Variants in FBXO8 observed in about 807,000 individuals in gnomAD.
FBXO8 encodes F-box only protein 8.
A neutral mutation model predicts 33.4 loss-of-function variants in FBXO8; 15 were observed. The ratio of observed to expected loss-of-function variants is 0.45; its 90% CI spans 0.30 to 0.69. The LOEUF is 0.69. Among genes scored for constraint, FBXO8 ranks in the 30% least tolerant of loss-of-function variants. The pLI, the probability that FBXO8 is intolerant of heterozygous loss-of-function variation, is 0.08. For synonymous variants in FBXO8, 132 were observed against 131.5 expected, an observed-to-expected ratio of 1.00 and a Z score of -0.02; for missense variants, 274 against 380.3, an observed-to-expected ratio of 0.72 and a Z score of 2.32.
intron 5 of FBXO8, among the ~76,000 whole-genome samples, chr4:174,238,150 G>A (rs1579015026): frequency 6.6e-6 from 1 of 151,922 alleles, no homozygotes; most frequent in East Asian, 1.9e-4. Context: ...TCTCATTTAA[G>A]ATGTTATAAA....
intron 1 of FBXO8, among the ~76,000 whole-genome samples, chr4:174,268,637 C>A (rs567171971): frequency 1.3e-5 from 2 of 152,022 alleles, no homozygotes; most frequent in African/African-American, 4.8e-5. Context: ...GGGGTTTCAC[C>A]GTGTTAGCCA....
chr4:174,239,139 G>A lies in FBXO8; in HGVS notation c.627C>T (p.Phe209=), dbSNP rs779493548. 6.3e-7 allele frequency: 1 copy of A among 1,594,110 alleles called. No homozygotes were observed. ...LVTLHNFRNQ[F]LPNALREFFR... ...AAAATTCTCTCAGTGCATTTGGCAA[G>A]AACTGATTTCTAAAATTATGCAATG... Residue 209 remains phenylalanine, a synonymous_variant, in exon 5 of 6, where the codon TTC becomes TTT. Coordinates refer to ENST00000393674, the MANE Select transcript of FBXO8 (RefSeq NM_012180.3).
chr4:174,272,729 G>T lies in FBXO8; in HGVS notation c.-8-9629C>A, dbSNP rs1369732727. Among the ~76,000 whole-genome samples the T allele has an allele frequency of 3.9e-5, 6 of 152,150 alleles. No homozygotes were observed. Among genetic ancestry groups the T allele is most frequent in the Non-Finnish European group, 8.8e-5 (6 of 68,010 alleles). ...GTTGTTGAATCTGGAGTTTGACAAA[G>T]AATGGAATACTTACAGAATCCCAAA... On this transcript the variant is annotated intron_variant, in intron 1 of 5. Coordinates refer to ENST00000393674, the MANE Select transcript of FBXO8 (RefSeq NM_012180.3). The surrounding 1 kb of genome is among the most constrained non-coding windows in gnomAD (Gnocchi z 4.7).
At chr4:174,249,947 A>G (rs963264816) in intron 3 of FBXO8, among the ~76,000 whole-genome samples, 5 of 152,012 alleles carry the variant, frequency 3.3e-5, no homozygotes, top group Non-Finnish European at 4.4e-5. Flanking sequence ...GGTGTCATAT[A>G]GTTATCTACT....
Position 174,255,543 on chromosome 4 carries a change from G to A in FBXO8, c.456+4156C>T, listed in dbSNP as rs895284787. ...GTAAAATGTATAAAATTATACACAT[G>A]TGGATATTTCTGCATAAATACCAGA... On this transcript the variant is annotated intron_variant, in intron 3 of 5. Coordinates refer to ENST00000393674, the MANE Select transcript of FBXO8 (RefSeq NM_012180.3). The surrounding 1 kb of genome is among the most constrained non-coding windows in gnomAD (Gnocchi z 4.3). Among the ~76,000 whole-genome samples, 1 of 151,464 alleles carries A rather than the reference G, an allele frequency of 6.6e-6. No homozygotes were observed. The highest frequency in any genetic ancestry group is 1.5e-5 in the Non-Finnish European group (1 of 67,888).
rs1736078464 is a variant in FBXO8 at position 174,243,120 on chromosome 4, T to C, written c.457-1902A>G. On this transcript the variant is annotated intron_variant, in intron 3 of 5. Transcript: ENST00000393674. ...GGTGATAGTTATAAATTAACACTGG[T>C]ATTTGCCTCATGTAAACATCATAAA... Among the ~76,000 whole-genome samples the C allele has an allele frequency of 2.6e-5, 4 of 151,698 alleles. No individual in the cohort carries two copies. The South Asian group carries it at 8.3e-4, about 31-fold the overall frequency.
rs933621040 is a variant in FBXO8 at position 174,262,712 on chromosome 4, G to A, written c.329+52C>T. The A allele has an allele frequency of 6.9e-7, 1 of 1,455,062 alleles. No individual in the cohort carries two copies. Among genetic ancestry groups the A allele is most frequent in the African/African-American group, 1.4e-5 (1 of 71,234 alleles). The allele number at this position is 1,455,062 out of a possible 1,614,324, so 90.1% of individuals were successfully genotyped here. On this transcript the variant is annotated intron_variant, in intron 2 of 5. Coordinates refer to ENST00000393674, the MANE Select transcript of FBXO8 (RefSeq NM_012180.3). This position sits in a 1 kb window ranked among gnomAD's most constrained non-coding sequence, Gnocchi z 4.6. ...TATACATTATAAAAAGAACATTGAA[G>A]CATGATTATGTTTAGAGATACCTGA...
chr4:174,237,703 T>C lies in FBXO8; in HGVS notation c.773-104A>G. The C allele has an allele frequency of 2.0e-6, 2 of 991,912 alleles. No individual in the cohort carries two copies. The highest frequency in any genetic ancestry group is 1.8e-5 in the South Asian group (1 of 57,054). 61.4% of individuals were successfully genotyped at this position (991,912 alleles called of 1,614,324 possible). A position where few individuals can be genotyped will look rare whatever the true frequency, so the allele number is the denominator to read the frequency against. ...TGTTCATAATTTCAAGATATCAAGA[T>C]TAGCTCATAAATACAGAGTGACCAA... On this transcript the variant is annotated intron_variant, in intron 5 of 5. Coordinates refer to ENST00000393674, the MANE Select transcript of FBXO8 (RefSeq NM_012180.3). This position sits in a 1 kb window ranked among gnomAD's most constrained non-coding sequence, Gnocchi z 4.4.
rs1044990565 is a variant in FBXO8 at position 174,257,266 on chromosome 4, A to G, written c.456+2433T>C. ...CATATGAGGACCCATGTGTATTTTC[A>G]TCTTTGTGTAAAAATGATTGCTTTA... On this transcript the variant is annotated intron_variant, in intron 3 of 5. Coordinates refer to ENST00000393674, the MANE Select transcript of FBXO8 (RefSeq NM_012180.3). This position sits in a 1 kb window ranked among gnomAD's most constrained non-coding sequence, Gnocchi z 4.3. Among the ~76,000 whole-genome samples the G allele has an allele frequency of 1.1e-4, 17 of 152,250 alleles. No homozygotes were observed. The highest frequency in any genetic ancestry group is 4.1e-4 in the African/African-American group (17 of 41,568).
In FBXO8 at chr4:174,237,724, ACCAAT is replaced by A; in HGVS notation, c.773-130_773-126del. On this transcript the variant is annotated intron_variant, in intron 5 of 5. Transcript: ENST00000393674. The surrounding 1 kb of genome is among the most constrained non-coding windows in gnomAD (Gnocchi z 4.4). ...AAGATTAGCTCATAAATACAGAGTG[ACCAAT>A]CCATCCCAGTTTGTCTAGACTCTTC... 3 of 747,452 alleles carry A rather than the reference ACCAAT, an allele frequency of 4.0e-6. No individual in the cohort carries two copies. The highest frequency in any genetic ancestry group is 6.2e-6 in the Non-Finnish European group (3 of 481,696). The allele number at this position is 747,452 out of a possible 1,614,324, so 46.3% of individuals were successfully genotyped here. A position where few individuals can be genotyped will look rare whatever the true frequency, so the allele number is the denominator to read the frequency against.
chr4:174,271,604 A>C (rs1251663351), intron 1 of FBXO8, among the ~76,000 whole-genome samples: 1 of 152,106 alleles, frequency 6.6e-6, no homozygotes, highest in African/African-American at 2.4e-5. Flanking sequence ...CATTTTTGCT[A>C]AAGAAATTGA....
Position 174,262,105 on chromosome 4 carries a change from T to C in FBXO8, c.329+659A>G, listed in dbSNP as rs1052156031. On this transcript the variant is annotated intron_variant, in intron 2 of 5. Coordinates refer to ENST00000393674, the MANE Select transcript of FBXO8 (RefSeq NM_012180.3). This position sits in a 1 kb window ranked among gnomAD's most constrained non-coding sequence, Gnocchi z 4.6. ...GCAAATGTTCTTAGATTTGTGGTTT[T>C]AATTCAGACTAGTACAATGTGGAAA... 1.3e-5 allele frequency among the ~76,000 whole-genome samples: 2 copies of C among 152,164 alleles called. No individual in the cohort carries two copies. Among genetic ancestry groups the C allele is most frequent in the African/African-American group, 4.8e-5 (2 of 41,434 alleles).
rs1736294986 is a variant in FBXO8, at chr4:174,251,943, G to T, written c.456+7756C>A. Among the ~76,000 whole-genome samples the T allele has an allele frequency of 1.3e-5, 2 of 152,020 alleles. No individual in the cohort carries two copies. Among genetic ancestry groups the T allele is most frequent in the Admixed American group, 1.3e-4 (2 of 15,256 alleles). ...GATTAAATTCCCTTCAGCAAATTTG[G>T]AGATAAATTGATCTGCTACTGAGAA... On this transcript the variant is annotated intron_variant, in intron 3 of 5. Transcript: ENST00000393674. This position sits in a 1 kb window ranked among gnomAD's most constrained non-coding sequence, Gnocchi z 4.2.
intron 3 of FBXO8, among the ~76,000 whole-genome samples, chr4:174,258,005 G>T (rs62335797): frequency 6.6e-6 from 1 of 152,136 alleles, no homozygotes; most frequent in Admixed American, 6.5e-5. Flanking sequence ...TGGGATTACA[G>T]ACATGAGCCA....
At position 174,236,815 on chromosome 4, in the gene FBXO8, T is replaced by A. The variant is rs2126409063; in HGVS notation, c.*597A>T. 6.6e-6 allele frequency: 1 copy of A among 152,180 alleles called. No individual in the cohort carries two copies. Among genetic ancestry groups the A allele is most frequent in the African/African-American group, 2.4e-5 (1 of 41,560 alleles). The allele number at this position is 152,180 out of a possible 1,614,324, so 9.4% of individuals were successfully genotyped here. Reference sequence around the variant, plus strand: ...AAATTATAAATTTATATTATAAAAATAACTGCCAGTTTTGCATAGTAATAT... The same window carrying A: ...AAATTATAAATTTATATTATAAAAAAAACTGCCAGTTTTGCATAGTAATAT... On this transcript the variant is annotated 3_prime_UTR_variant, in exon 6 of 6. Transcript: ENST00000393674.
rs939680326 is a variant in FBXO8, at chr4:174,238,598, T to C, written c.772+396A>G. 4.6e-5 allele frequency among the ~76,000 whole-genome samples: 7 copies of C among 151,246 alleles called. 1 individual carries two copies. Among genetic ancestry groups the C allele is most frequent in the East Asian group, 3.9e-4 (2 of 5,164 alleles). ...CTTTATATATATACAAATGTCTATATGTCTATATGTGTATATAGACATAGA... is the reference window on the plus strand; with the variant it reads ...CTTTATATATATACAAATGTCTATACGTCTATATGTGTATATAGACATAGA... On this transcript the variant is annotated intron_variant, in intron 5 of 5. Transcript: ENST00000393674.
At chr4:174,243,672 A>C (rs1316578286) in intron 3 of FBXO8, among the ~76,000 whole-genome samples, 1 of 151,162 alleles carries the variant, frequency 6.6e-6, no homozygotes, top group Non-Finnish European at 1.5e-5. Context: ...TTAAAAATAA[A>C]ATTTTAGAAG....
At chr4:174,273,323 T>TAAAA (rs368582397) in intron 1 of FBXO8, among the ~76,000 whole-genome samples, 2 of 109,480 alleles carry the variant, frequency 1.8e-5, no homozygotes, top group African/African-American at 3.4e-5. Context: ...TCATAAAAGT[T>TAAAA]AAAAAAAAAA....
intron 1 of FBXO8, among the ~76,000 whole-genome samples, chr4:174,273,358 G>A (rs574555178): frequency 1.6e-5 from 2 of 126,524 alleles, no homozygotes; most frequent in African/African-American, 5.8e-5. Context: ...GAAAAAAGGT[G>A]GAAGAACAGT....
Sources: allele counts gnomAD v4.1 joint callset (sites outside exome capture counted in the v4.1 genomes callset), GRCh38; gene constraint gnomAD v4.1.1; non-coding constraint Gnocchi (gnomAD v3.1); transcripts MANE v1.5; gene names NCBI Gene and HGNC (gene_info 2026-07-23, HGNC 2026-07-21).